DACH1: variants seen among roughly 807,000 people sequenced by gnomAD.
DACH1 encodes dachshund family transcription factor 1.
A neutral mutation model predicts 54.2 loss-of-function variants in DACH1; 12 were observed. The ratio of observed to expected loss-of-function variants is 0.22; its 90% confidence interval spans 0.14 to 0.36. The LOEUF (loss-of-function observed/expected upper bound fraction) is 0.36, where lower values mean the gene tolerates loss of function less well. DACH1 is among the 10% of genes least tolerant of loss of function. The pLI is 1.00. For synonymous variants in DACH1, 386 were observed against 366.2 expected, an observed-to-expected ratio of 1.05 and a Z score of -0.62; for missense variants, 805 against 929.8, an observed-to-expected ratio of 0.87 and a Z score of 1.75.
At chr13:71,563,077 G>C (rs1209114655) in intron 4 of DACH1, among the ~76,000 whole-genome samples, 8 of 151,964 alleles carry the variant, frequency 5.3e-5, no homozygotes, top group Admixed American at 5.2e-4. Context: ...AGCATAGTTT[G>C]TCTAAGCTTT....
intron 1 of DACH1, among the ~76,000 whole-genome samples, chr13:71,830,390 T>C (rs889180204): frequency 2.7e-4 from 41 of 151,868 alleles, no homozygotes; most frequent in African/African-American, 9.7e-4. Context: ...CACAAATGTT[T>C]TCTATATTCA....
intron 3 of DACH1, among the ~76,000 whole-genome samples, chr13:71,629,373 A>G (rs1308656462): frequency 6.6e-6 from 1 of 152,010 alleles, no homozygotes; most frequent in Admixed American, 6.6e-5. Flanking sequence ...CAAATCCACT[A>G]CTGCTGGTCC....
At chr13:71,748,878 CTTTCTTT>C (rs1884751226) in intron 1 of DACH1, among the ~76,000 whole-genome samples, 1 of 19,540 alleles carries the variant, frequency 5.1e-5, no homozygotes, top group Admixed American at 8.8e-4. Flanking sequence ...TTCTTTCTTT[CTTTCTTT>C]CTTTCTTTCT....
intron 6 of DACH1, among the ~76,000 whole-genome samples, chr13:71,523,722 T>G (rs1281473547): frequency 6.6e-6 from 1 of 152,114 alleles, no homozygotes. Flanking sequence ...TTCCCCAATG[T>G]GTGATCACAA....
At chr13:71,539,919 T>C (rs906678103) in intron 6 of DACH1, among the ~76,000 whole-genome samples, 2 of 152,026 alleles carry the variant, frequency 1.3e-5, no homozygotes, top group Non-Finnish European at 2.9e-5. Context: ...TACTTTGTTT[T>C]AAAATAACAT....
At chr13:71,472,216 A>G (rs1877142624) in intron 10 of DACH1, among the ~76,000 whole-genome samples, 1 of 152,224 alleles carries the variant, frequency 6.6e-6, no homozygotes, top group Admixed American at 6.5e-5. Flanking sequence ...AATCAGCAAT[A>G]AAGAATCTAC....
chr13:71,634,288 G>C (rs1260948329), intron 2 of DACH1, among the ~76,000 whole-genome samples: 3 of 151,948 alleles, frequency 2.0e-5, no homozygotes, highest in East Asian at 1.9e-4. Flanking sequence ...GTGAGGATTT[G>C]AATATATATT....
intron 6 of DACH1, among the ~76,000 whole-genome samples, chr13:71,505,246 C>A: frequency 6.6e-6 from 1 of 152,040 alleles, no homozygotes; most frequent in East Asian, 1.9e-4. Flanking sequence ...CCACGCCCGG[C>A]TACTTTTTTG....
intron 1 of DACH1, among the ~76,000 whole-genome samples, chr13:71,817,836 A>C (rs1216936934): frequency 9.5e-6 from 1 of 104,830 alleles, no homozygotes; most frequent in African/African-American, 4.1e-5. Context: ...TTTTTTTGAG[A>C]CAGGGTCTCG....
chr13:71,444,209 C>T (rs577059210), intron 10 of DACH1, among the ~76,000 whole-genome samples: 2 of 152,180 alleles, frequency 1.3e-5, no homozygotes, highest in East Asian at 3.9e-4. Flanking sequence ...ATGATTTCTA[C>T]TACATAAAGT....
intron 1 of DACH1, among the ~76,000 whole-genome samples, chr13:71,823,556 G>C (rs571207039): frequency 6.6e-6 from 1 of 152,068 alleles, no homozygotes; most frequent in Non-Finnish European, 1.5e-5. Flanking sequence ...TGTTAAACCT[G>C]TATCTAAAAT....
At chr13:71,731,701 TA>T in intron 1 of DACH1, among the ~76,000 whole-genome samples, 1 of 152,186 alleles carries the variant, frequency 6.6e-6, no homozygotes, top group Non-Finnish European at 1.5e-5. Flanking sequence ...TGCTTGAGGT[TA>T]AAATATTGTG....
At chr13:71,710,211 A>G (rs1218706123) in intron 1 of DACH1, among the ~76,000 whole-genome samples, 10 of 152,210 alleles carry the variant, frequency 6.6e-5, no homozygotes, top group Non-Finnish European at 1.3e-4. Flanking sequence ...TCAAAATATC[A>G]TAAGGCTTGA....
At chr13:71,806,714 G>C (rs303929) in intron 1 of DACH1, among the ~76,000 whole-genome samples, 47,159 of 151,994 alleles carry the variant, frequency 0.31, 7,699 homozygotes, top group African/African-American at 0.36. Flanking sequence ...AATACTATTA[G>C]TCTACTTTTG....
At chr13:71,596,808 C>A (rs1874130729) in intron 3 of DACH1, among the ~76,000 whole-genome samples, 1 of 152,046 alleles carries the variant, frequency 6.6e-6, no homozygotes, top group Non-Finnish European at 1.5e-5. Context: ...AGACAAACAG[C>A]AATTTGAATT....
chr13:71,692,550 T>A (rs1335533964), intron 1 of DACH1, among the ~76,000 whole-genome samples: 1 of 136,236 alleles, frequency 7.3e-6, no homozygotes, highest in Non-Finnish European at 1.5e-5. Context: ...GACGGAGTCT[T>A]GCTCTGTCAC....
intron 2 of DACH1, among the ~76,000 whole-genome samples, chr13:71,681,204 C>G (rs1395479571): frequency 5.3e-5 from 8 of 152,046 alleles, no homozygotes; most frequent in Non-Finnish European, 4.4e-5. Context: ...TAATTTTGCT[C>G]CAGTGCATTA....
intron 1 of DACH1, among the ~76,000 whole-genome samples, chr13:71,705,058 T>C (rs1345723786): frequency 6.6e-6 from 1 of 152,222 alleles, no homozygotes; most frequent in African/African-American, 2.4e-5. Flanking sequence ...ATGGTAGTGA[T>C]GTTGAAACTA....
chr13:71,541,128 T>G (rs1275170747), intron 6 of DACH1, among the ~76,000 whole-genome samples: 1 of 152,004 alleles, frequency 6.6e-6, no homozygotes, highest in East Asian at 1.9e-4. Flanking sequence ...ATTATGATGC[T>G]ATTCCTTATG....
Sources: allele counts gnomAD v4.1 joint callset (sites outside exome capture counted in the v4.1 genomes callset), GRCh38; gene constraint gnomAD v4.1.1; transcripts MANE v1.5; gene names NCBI Gene and HGNC (gene_info 2026-07-23, HGNC 2026-07-21).